The following C8B variants were observed in gnomAD, a reference collection of about 807,000 sequenced individuals.
C8B encodes the protein complement C8 beta chain, also known as complement component C8 beta chain.
A neutral mutation model predicts 64.6 loss-of-function variants in C8B; 67 were observed. That is an observed-to-expected ratio of 1.04 (90% confidence interval 0.85 to 1.27). The LOEUF is 1.27. Ranked by LOEUF, C8B falls within the 50% of genes most tolerant of loss-of-function variation. The pLI, the probability that C8B is intolerant of heterozygous loss-of-function variation, is 0.00. For synonymous variants in C8B, 284 were observed against 257.7 expected (o/e 1.10, Z -0.98); for missense variants, 790 against 725.2 (o/e 1.09, Z -1.03).
intron 4 of C8B, among the ~76,000 whole-genome samples, chr1:56,953,575 GT>G (rs1645057623): frequency 6.6e-6 from 1 of 152,214 alleles, no homozygotes; most frequent in Non-Finnish European, 1.5e-5. Flanking sequence ...CAAGAACAGA[GT>G]CTGTATTCTT....
intron 5 of C8B, 21 bp from the exon 6 acceptor site, chr1:56,949,773 G>T (rs374302339): frequency 1.9e-6 from 3 of 1,560,392 alleles, no homozygotes; most frequent in South Asian, 2.2e-5. Flanking sequence ...AAAAAGAAAG[G>T]GTTTTTTATT....
In C8B at chr1:56,956,799, G is replaced by T. The variant is rs150022116; in HGVS notation, c.361C>A (p.Arg121=). Residue 121 remains arginine, a synonymous_variant, in exon 3 of 12, where the codon CGA becomes AGA. Coordinates refer to ENST00000371237, the MANE Select transcript of C8B (RefSeq NM_000066.4). Reference sequence around the variant, plus strand: ...TGTGCACACACAAAGCCTTCACATCGCACTTGACTTCCGCATGGTCTGTTG... The same window carrying T: ...TGTGCACACACAAAGCCTTCACATCTCACTTGACTTCCGCATGGTCTGTTG... ...VTNRPCGSQV[R]CEGFVCAQTG... is the part of the protein sequence containing the mutation. The T allele has an allele frequency of 1.1e-4, 170 of 1,613,792 alleles. No homozygotes were observed. The highest frequency in any genetic ancestry group is 2.1e-4 in the South Asian group (19 of 91,072).
chr1:56,962,061 T>C (rs1480089075), intron 1 of C8B, among the ~76,000 whole-genome samples: 2 of 152,196 alleles, frequency 1.3e-5, no homozygotes, highest in African/African-American at 2.4e-5. Context: ...TGTTACATTA[T>C]GTTTTTAGCA....
intron 11 of C8B, among the ~76,000 whole-genome samples, chr1:56,930,060 G>T (rs1644677145): frequency 6.6e-6 from 1 of 152,182 alleles, no homozygotes. Context: ...AGCTAGGCAG[G>T]CAAACAGGAG....
chr1:56,934,175 T>TC (rs397977732), intron 9 of C8B, among the ~76,000 whole-genome samples: 2 of 151,636 alleles, frequency 1.3e-5, no homozygotes, highest in Admixed American at 1.3e-4. Flanking sequence ...TTTTTTTTTT[T>TC]CTTTTCTGAT....
At position 56,949,693 on chromosome 1, in the gene C8B, G is replaced by A. The variant is rs1347323387; in HGVS notation, c.726C>T (p.Arg242=). 8.7e-6 allele frequency: 14 copies of A among 1,613,826 alleles called. No individual in the cohort carries two copies. Among genetic ancestry groups the A allele is most frequent in the East Asian group, 2.2e-5 (1 of 44,844 alleles). ...KEYESYSDFE[R]NVTEKMASKS... ...TGCTTGCCATTTTCTCTGTGACATT[G>A]CGTTCAAAATCTGAGTATGATTCAT... The change falls in exon 6 of 12, where the codon CGC becomes CGT. Residue 242 remains arginine, a synonymous_variant. Coordinates refer to ENST00000371237, the MANE Select transcript of C8B (RefSeq NM_000066.4).
intron 2 of C8B, among the ~76,000 whole-genome samples, chr1:56,958,130 G>A (rs1645128322): frequency 6.6e-6 from 1 of 152,136 alleles, no homozygotes; most frequent in South Asian, 2.1e-4. Flanking sequence ...ACATAGACAA[G>A]AGCAGATAAC....
At chr1:56,964,307 A>G (rs1246058585) in intron 1 of C8B, among the ~76,000 whole-genome samples, 2 of 152,116 alleles carry the variant, frequency 1.3e-5, no homozygotes, top group Non-Finnish European at 1.5e-5. Flanking sequence ...TGGCTTCCCA[A>G]TGCATTGTGG....
chr1:56,954,911 G>T, intron 3 of C8B, 84 bp from the exon 4 acceptor site: 1 of 1,547,368 alleles, frequency 6.5e-7, no homozygotes, highest in Non-Finnish European at 8.9e-7. Context: ...CCAAGTGCCA[G>T]ACCTTTTGTC....
intron 8 of C8B, among the ~76,000 whole-genome samples, chr1:56,942,968 C>T (rs953887761): frequency 6.6e-6 from 1 of 151,564 alleles, no homozygotes; most frequent in African/African-American, 2.4e-5. Context: ...TGGTGGCATG[C>T]ACCGGTAGTC....
At chr1:56,962,361 A>G (rs1027034833) in intron 1 of C8B, among the ~76,000 whole-genome samples, 2 of 152,224 alleles carry the variant, frequency 1.3e-5, no homozygotes, top group African/African-American at 4.8e-5. Flanking sequence ...GTACTATAAA[A>G]TGCAAATCTG....
chr1:56,944,356 G>A (rs555171412), intron 7 of C8B, among the ~76,000 whole-genome samples: 2 of 152,218 alleles, frequency 1.3e-5, no homozygotes, highest in African/African-American at 4.8e-5. Context: ...TCTCCCTGAG[G>A]CATCCTCCTC....
chr1:56,946,533 C>T (rs1570389099), intron 6 of C8B, among the ~76,000 whole-genome samples: 1 of 152,192 alleles, frequency 6.6e-6, no homozygotes, highest in East Asian at 1.9e-4. Flanking sequence ...AACTCAGTAC[C>T]TGTACCTGTA....
At position 56,954,869 on chromosome 1, in the gene C8B, C is replaced by T. The variant is rs772019566; in HGVS notation, c.392-42G>A. ...GTATTACCCACAGCCACATGGTTGGCAAGAAAGGAACTAACATAGTATAAG... is the reference window on the plus strand; with the variant it reads ...GTATTACCCACAGCCACATGGTTGGTAAGAAAGGAACTAACATAGTATAAG... On this transcript the variant is annotated intron_variant, in intron 3 of 11. Transcript: ENST00000371237. 5 of 1,613,608 alleles carry T rather than the reference C, an allele frequency of 3.1e-6. No homozygotes were observed. In the East Asian group the frequency reaches 6.7e-5, roughly 22 times the overall value.
intron 8 of C8B, among the ~76,000 whole-genome samples, chr1:56,941,497 G>GATAGATAC (rs1644855643): frequency 7.6e-5 from 3 of 39,650 alleles, no homozygotes; most frequent in African/African-American, 2.1e-4. Flanking sequence ...GATAATAGTA[G>GATAGATAC]ATAGATAGAT....
Position 56,952,179 on chromosome 1 carries a change from T to A in C8B, c.535A>T (p.Ile179Leu), listed in dbSNP as rs1557738652. Residue 179 changes from isoleucine (I) to leucine (L), a missense_variant and splice_region_variant, in exon 5 of 12, where the codon ATA becomes TTA. Transcript: ENST00000371237. ...TCAAAACTGTTTGTGAACAAATTTA[T>A]CCTGTGAGGAAGAGACAGAGATGGC... ...YWGIGSLASG[I>L]NLFTNSFEGP... 1.2e-6 allele frequency: 2 copies of A among 1,614,156 alleles called. No individual in the cohort carries two copies. Among genetic ancestry groups the A allele is most frequent in the African/African-American group, 1.3e-5 (1 of 75,046 alleles).
intron 6 of C8B, among the ~76,000 whole-genome samples, chr1:56,948,179 T>C (rs1299643769): frequency 2.0e-5 from 3 of 151,982 alleles, no homozygotes; most frequent in Non-Finnish European, 4.4e-5. Context: ...GAGTAAGCAA[T>C]AGGAAGCAGA....
chr1:56,956,261 C>A (rs1645101757), intron 3 of C8B, among the ~76,000 whole-genome samples: 2 of 152,196 alleles, frequency 1.3e-5, no homozygotes, highest in Admixed American at 6.5e-5. Flanking sequence ...AGGGAGCCAA[C>A]AGTCTACAAA....
intron 3 of C8B, among the ~76,000 whole-genome samples, chr1:56,956,201 G>T (rs779065292): frequency 7.9e-5 from 12 of 152,120 alleles, no homozygotes; most frequent in Admixed American, 7.9e-4. Context: ...CTATGTAACC[G>T]TTCTAGGTTT....
Sources: gnomAD v4.1 joint callset for allele counts (sites outside exome capture counted in the v4.1 genomes callset) on GRCh38, gnomAD v4.1.1 for gene constraint, MANE v1.5 for transcripts, NCBI Gene and HGNC (gene_info 2026-07-23, HGNC 2026-07-21) for gene names.